The following VPS13B variants were observed in gnomAD, a reference collection of about 807,000 sequenced individuals.
The protein encoded by VPS13B is vacuolar protein sorting 13 homolog B.
A neutral mutation model predicts 426.4 loss-of-function variants in VPS13B; 285 were observed. That is an observed-to-expected ratio of 0.67 (90% confidence interval 0.61 to 0.74). The LOEUF (loss-of-function observed/expected upper bound fraction) is 0.74, where lower values mean the gene tolerates loss of function less well. Among genes scored for constraint, VPS13B ranks in the 30% least tolerant of loss-of-function variants. The pLI, the probability that VPS13B is intolerant of heterozygous loss-of-function variation, is 0.00. For synonymous variants in VPS13B, 1,676 were observed against 1,676.4 expected, an observed-to-expected ratio of 1.00 and a Z score of 0.01; for missense variants, 4,537 against 4,782.6, an observed-to-expected ratio of 0.95 and a Z score of 1.51.
chr8:99,268,299 G>A (rs1003996294), intron 17 of VPS13B, among the ~76,000 whole-genome samples: 2 of 152,156 alleles, frequency 1.3e-5, no homozygotes, highest in South Asian at 4.1e-4. Flanking sequence ...GTGAGAAGAG[G>A]GCCACTGTCC....
chr8:99,869,328 A>G (rs892278540), intron 59 of VPS13B, among the ~76,000 whole-genome samples: 5 of 152,164 alleles, frequency 3.3e-5, no homozygotes, highest in Non-Finnish European at 5.9e-5. Context: ...ATGTGTTTCT[A>G]GGGAGGCATC....
rs867311125 is a variant in VPS13B at position 99,481,706 on chromosome 8, G to A, written c.3774G>A (p.Gly1258=). 2 of 1,614,014 alleles carry A rather than the reference G, an allele frequency of 1.2e-6. No homozygotes were observed. The highest frequency in any genetic ancestry group is 4.5e-5 in the East Asian group (2 of 44,878). The change falls in exon 25 of 62, where the codon GGG becomes GGA. Residue 1258 remains glycine, a synonymous_variant. Coordinates refer to ENST00000357162, the MANE Select transcript of VPS13B (RefSeq NM_152564.5). ...CAACCTCTCCAGAGACCATGGCAGG[G>A]CCTGTTCCTACTTCTCCAGTTAGAA... ...LSPTSPETMA[G]PVPTSPVRSS...
chr8:99,689,536 C>T (rs1234562933), intron 35 of VPS13B, among the ~76,000 whole-genome samples: 4 of 152,142 alleles, frequency 2.6e-5, no homozygotes, highest in East Asian at 3.9e-4. Context: ...AAAAAGTTAG[C>T]GCTTGGCACA....
At chr8:99,849,540 G>A (rs1288813819) in intron 55 of VPS13B, among the ~76,000 whole-genome samples, 1 of 152,090 alleles carries the variant, frequency 6.6e-6, no homozygotes, top group Non-Finnish European at 1.5e-5. Flanking sequence ...GTATAAATTG[G>A]TACTATTTCC....
In VPS13B at chr8:99,424,065, G is replaced by A. The variant is rs567486134; in HGVS notation, c.3083-7472G>A. Among the ~76,000 whole-genome samples the A allele has an allele frequency of 1.1e-4, 17 of 152,212 alleles. No homozygotes were observed. In the South Asian group the frequency reaches 3.3e-3, roughly 30 times the overall value. ...TCTAAGTCTCTTTGTAGGTCTCTAA[G>A]GACTTGCTTTATGAATCTGTGTGCT... On this transcript the variant is annotated intron_variant, in intron 21 of 61. Coordinates refer to ENST00000357162, the MANE Select transcript of VPS13B (RefSeq NM_152564.5).
chr8:99,119,666 G>T (rs1022172107), intron 7 of VPS13B, among the ~76,000 whole-genome samples: 1 of 152,100 alleles, frequency 6.6e-6, no homozygotes, highest in African/African-American at 2.4e-5. Flanking sequence ...TCCTTCTCAG[G>T]TGAAAGAAGG....
At position 99,848,928 on chromosome 8, in the gene VPS13B, T is replaced by C. The variant is rs766725493; in HGVS notation, c.10061+34T>C. 3.2e-6 allele frequency: 5 copies of C among 1,556,666 alleles called. No homozygotes were observed. The Admixed American group carries it at 8.3e-5, about 26-fold the overall frequency. On this transcript the variant is annotated intron_variant, in intron 55 of 61. Coordinates refer to ENST00000357162, the MANE Select transcript of VPS13B (RefSeq NM_152564.5). The stretch of plus-strand genomic sequence containing the variant: ...AATTATTTTCCCAGTGACAACATAG[T>C]AAGTGTTACTGTTACAAAGTTGTAA...
chr8:99,697,745 G>C lies in VPS13B; in HGVS notation c.6047-1780G>C, dbSNP rs540747610. 4 of 625,636 alleles carry C rather than the reference G, an allele frequency of 6.4e-6. No individual in the cohort carries two copies. In the African/African-American group the frequency reaches 7.3e-5, roughly 11 times the overall value. The allele number at this position is 625,636 out of a possible 1,614,324, so 38.8% of individuals were successfully genotyped here. A position where few individuals can be genotyped will look rare whatever the true frequency, so the allele number is the denominator to read the frequency against. ...GCTGGGCCTGGCCTAGGGCGCGCCC[G>C]TAGGGGAGAACATCATCAGTGTCAC... On this transcript the variant is annotated intron_variant, in intron 35 of 61. Coordinates refer to ENST00000357162, the MANE Select transcript of VPS13B (RefSeq NM_152564.5).
At chr8:99,142,660 A>G (rs970619361) in intron 12 of VPS13B, among the ~76,000 whole-genome samples, 7 of 152,226 alleles carry the variant, frequency 4.6e-5, no homozygotes, top group African/African-American at 1.7e-4. Context: ...CAGTCAATGC[A>G]TATTGTGTAT....
chr8:99,761,328 A>G (rs1033564465), intron 39 of VPS13B, among the ~76,000 whole-genome samples: 2 of 152,212 alleles, frequency 1.3e-5, no homozygotes, highest in Non-Finnish European at 2.9e-5. Flanking sequence ...TGAACTAAAT[A>G]AAGTTTTTCT....
At chr8:99,115,635 C>A in intron 6 of VPS13B, 65 bp from the exon 7 acceptor site, 1 of 1,521,148 alleles carries the variant, frequency 6.6e-7, no homozygotes, top group Non-Finnish European at 9.0e-7. Context: ...TAAAACATTT[C>A]TTTATGTAAA....
chr8:99,065,111 A>G (rs1020184200), intron 3 of VPS13B, among the ~76,000 whole-genome samples: 4 of 152,218 alleles, frequency 2.6e-5, no homozygotes, highest in African/African-American at 9.6e-5. Flanking sequence ...GAAGGAAGCA[A>G]TAAACATGGA....
chr8:99,626,345 A>G (rs1828612649), intron 33 of VPS13B, among the ~76,000 whole-genome samples: 1 of 152,216 alleles, frequency 6.6e-6, no homozygotes, highest in Non-Finnish European at 1.5e-5. Flanking sequence ...ATTAAAGACT[A>G]TATACTATAT....
At chr8:99,553,768 T>C (rs1271930232) in intron 30 of VPS13B, among the ~76,000 whole-genome samples, 1 of 152,050 alleles carries the variant, frequency 6.6e-6, no homozygotes, top group Non-Finnish European at 1.5e-5. Flanking sequence ...TCAAATATTA[T>C]AAATTACTCT....
At chr8:99,806,685 CA>C (rs1182912525) in intron 43 of VPS13B, among the ~76,000 whole-genome samples, 8 of 152,134 alleles carry the variant, frequency 5.3e-5, no homozygotes, top group African/African-American at 9.7e-5. Flanking sequence ...ACAAATGTCA[CA>C]TTTTTTTGTG....
At chr8:99,123,067 G>A (rs1249684995) in intron 8 of VPS13B, among the ~76,000 whole-genome samples, 1 of 140,584 alleles carries the variant, frequency 7.1e-6, no homozygotes, top group African/African-American at 2.7e-5. Flanking sequence ...GTTGTGGTGA[G>A]CTGAGATTGT....
intron 33 of VPS13B, among the ~76,000 whole-genome samples, chr8:99,586,425 T>A (rs755792782): frequency 1.3e-5 from 2 of 152,146 alleles, no homozygotes; most frequent in African/African-American, 4.8e-5. Flanking sequence ...CCCAATCATT[T>A]ATAGAAGAGG....
At chr8:99,210,240 A>G (rs1480160897) in intron 17 of VPS13B, among the ~76,000 whole-genome samples, 3 of 152,162 alleles carry the variant, frequency 2.0e-5, no homozygotes, top group Non-Finnish European at 4.4e-5. Context: ...CCTACACTAT[A>G]AAGGAAATTT....
chr8:99,716,209 A>G (rs1436077231), intron 36 of VPS13B, among the ~76,000 whole-genome samples: 2 of 152,328 alleles, frequency 1.3e-5, no homozygotes, highest in African/African-American at 4.8e-5. Flanking sequence ...CAGTAGGAAT[A>G]TACAACATAT....
Sources: gnomAD v4.1 joint callset for allele counts (sites outside exome capture counted in the v4.1 genomes callset) on GRCh38, gnomAD v4.1.1 for gene constraint, MANE v1.5 for transcripts, NCBI Gene and HGNC (gene_info 2026-07-23, HGNC 2026-07-21) for gene names.